The following TAB1 variants were observed in gnomAD, a reference collection of about 807,000 sequenced individuals.
TAB1 encodes the protein TGF-beta activated kinase 1 (MAP3K7) binding protein 1, also known as TGF-beta-activated kinase 1 and MAP3K7-binding protein 1.
Under a neutral mutation model 54.5 loss-of-function variants are expected in TAB1, and 30 were observed. That is an observed-to-expected ratio of 0.55 (90% confidence interval 0.41 to 0.75). TAB1 has a LOEUF of 0.75. Among genes scored for constraint, TAB1 ranks in the 30% least tolerant of loss-of-function variants. The pLI is 0.00. For missense variants in TAB1, 609 were observed against 683.2 expected, an observed-to-expected ratio of 0.89 and a Z score of 1.21; for synonymous variants, 289 against 286.9, an observed-to-expected ratio of 1.01 and a Z score of -0.07.
At position 39,400,088 on chromosome 22, in the gene TAB1, G is replaced by A. The variant is rs34143187; in HGVS notation, c.33+253G>A. On this transcript the variant is annotated intron_variant, in intron 1 of 10. Transcript: ENST00000216160. ...GCTGCCGGGCGTCGAGGGCGGGAGC[G>A]TCCTGGAGCCAGAAGGGAACACGGC... 4.8e-3 allele frequency among the ~76,000 whole-genome samples: 732 copies of A among 152,216 alleles called. 2 individuals are homozygous for A. Among genetic ancestry groups the A allele is most frequent in the Non-Finnish European group, 8.1e-3 (553 of 67,972 alleles).
intron 1 of TAB1, among the ~76,000 whole-genome samples, chr22:39,406,449 A>G (rs1366528636): frequency 6.6e-6 from 1 of 151,442 alleles, no homozygotes; most frequent in African/African-American, 2.4e-5. Flanking sequence ...TAGTTTCTTG[A>G]AGATGGTCAG....
In TAB1 at chr22:39,417,253, G is replaced by A. The variant is rs1444014412; in HGVS notation, c.411+376G>A. On this transcript the variant is annotated intron_variant, in intron 4 of 10. Transcript: ENST00000216160. ...GGAAGAACCTTAGCCTGGAGCTGTA[G>A]CGAAGGCTTCATCTTGGCTGTGCCA... 4.6e-5 allele frequency among the ~76,000 whole-genome samples: 7 copies of A among 152,094 alleles called. No homozygotes were observed. In the East Asian group the frequency reaches 1.3e-3, roughly 29 times the overall value.
chr22:39,410,981 T>C (rs946345323), intron 1 of TAB1, among the ~76,000 whole-genome samples: 6 of 152,270 alleles, frequency 3.9e-5, no homozygotes, highest in East Asian at 1.9e-4. Flanking sequence ...AAGAATGTAG[T>C]ATTGGTGGAG....
At chr22:39,422,797 T>G (rs1328028260) in intron 8 of TAB1, among the ~76,000 whole-genome samples, 3 of 152,136 alleles carry the variant, frequency 2.0e-5, no homozygotes, top group Admixed American at 6.5e-5. Context: ...AAGAGTTGCT[T>G]ATTTTTCTTA....
chr22:39,415,100 G>T lies in TAB1; in HGVS notation c.128G>T (p.Gly43Val), dbSNP rs1926765710. 2.5e-6 allele frequency: 4 copies of T among 1,609,624 alleles called. No individual in the cohort carries two copies. Among genetic ancestry groups the T allele is most frequent in the Non-Finnish European group, 3.4e-6 (4 of 1,177,198 alleles). The change falls in exon 2 of 11, where the codon GGC becomes GTC. Residue 43 changes from glycine to valine, a missense_variant. By Grantham distance (109) the Gly-to-Val change is moderately radical. Transcript: ENST00000216160. This position sits in a 1 kb window ranked among gnomAD's most constrained non-coding sequence, Gnocchi z 4.9. Reference protein sequence around the residue: ...SNRSYSADGKGTESHPPEDSW... With the variant: ...SNRSYSADGKVTESHPPEDSW... ...CGCAGCTACTCTGCTGATGGCAAGG[G>T]CACTGAGAGCCACCCGCCAGAGGAC... is the stretch of plus-strand genomic sequence containing the variant.
intron 1 of TAB1, among the ~76,000 whole-genome samples, chr22:39,411,499 G>A (rs778952949): frequency 2.0e-5 from 3 of 152,188 alleles, no homozygotes; most frequent in African/African-American, 4.8e-5. Flanking sequence ...ACTCAGTGTC[G>A]TTAGCCGTTA....
intron 1 of TAB1, among the ~76,000 whole-genome samples, chr22:39,404,844 T>C (rs1926294392): frequency 6.6e-6 from 1 of 152,134 alleles, no homozygotes; most frequent in African/African-American, 2.4e-5. Flanking sequence ...ATGGAGAACC[T>C]TCAATGAAAA....
At chr22:39,434,389 C>T (rs17001108), downstream of TAB1, among the ~76,000 whole-genome samples, 5,366 of 152,372 alleles carry the variant, frequency 0.035, 328 homozygotes, top group African/African-American at 0.12. Context: ...GGCCTCTTCA[C>T]AGCCGAAGTG....
intron 1 of TAB1, among the ~76,000 whole-genome samples, chr22:39,407,335 C>T (rs1193185565): frequency 1.3e-5 from 2 of 152,176 alleles, no homozygotes; most frequent in Non-Finnish European, 2.9e-5. Flanking sequence ...GCCAGGCGTA[C>T]TGTCCTATCA....
At chr22:39,418,372 C>T (rs997596613) in intron 5 of TAB1, among the ~76,000 whole-genome samples, 1 of 152,128 alleles carries the variant, frequency 6.6e-6, no homozygotes, top group African/African-American at 2.4e-5. Flanking sequence ...TTCATGCGCC[C>T]ATCCCCAATC....
downstream of TAB1, chr22:39,432,643 C>CGA (rs142123452): frequency 3.1e-3 from 1,989 of 637,838 alleles, 4 homozygotes; most frequent in African/African-American, 6.0e-3. Context: ...CCCTGCCACC[C>CGA]GAGAGAGAGA....
chr22:39,401,191 G>C (rs1031188548), intron 1 of TAB1, among the ~76,000 whole-genome samples: 9 of 152,178 alleles, frequency 5.9e-5, no homozygotes, highest in African/African-American at 2.2e-4. Context: ...GCCAGGTCCA[G>C]TGCTCGCCCT....
intron 5 of TAB1, 74 bp from the exon 6 acceptor site, chr22:39,418,658 C>G: frequency 8.6e-7 from 1 of 1,158,422 alleles, no homozygotes. Flanking sequence ...CTGCCTTTTC[C>G]CTCTCTGCCT....
intron 3 of TAB1, 77 bp from the exon 4 acceptor site, chr22:39,416,714 T>G (rs1926846913): frequency 7.4e-7 from 1 of 1,360,464 alleles, no homozygotes; most frequent in South Asian, 1.2e-5. Context: ...GCTGCTGCTC[T>G]GATTAATAGA....
chr22:39,428,107 A>G lies in TAB1; in HGVS notation c.1231A>G (p.Met411Val). The G allele has an allele frequency of 6.2e-7, 1 of 1,613,758 alleles. No individual in the cohort carries two copies. Among genetic ancestry groups the G allele is most frequent in the Non-Finnish European group, 8.5e-7 (1 of 1,179,726 alleles). The change falls in exon 10 of 11, where the codon ATG (methionine) becomes GTG (valine). Residue 411 changes from methionine to valine, a missense_variant. Coordinates refer to ENST00000216160, the MANE Select transcript of TAB1 (RefSeq NM_006116.3). ...SKTSVTLSLV[M>V]PSQGQMVNGA... ...GACCAGCGTGACCCTCTCCCTTGTC[A>G]TGCCCTCCCAGGGCCAGATGGTCAA...
chr22:39,423,330 C>T (rs967791600), intron 8 of TAB1, among the ~76,000 whole-genome samples: 3 of 152,184 alleles, frequency 2.0e-5, no homozygotes, highest in Non-Finnish European at 4.4e-5. Context: ...ATTGGCCGGG[C>T]ACAGTGGCTC....
intron 1 of TAB1, among the ~76,000 whole-genome samples, chr22:39,408,669 A>C (rs1466631705): frequency 2.6e-5 from 4 of 151,908 alleles, no homozygotes; most frequent in African/African-American, 9.7e-5. Flanking sequence ...CACCCGGTTA[A>C]TTTTTGTATT....
Position 39,430,311 on chromosome 22 carries a change from C to A in TAB1, c.*89C>A. On this transcript the variant is annotated 3_prime_UTR_variant, in exon 11 of 11. Coordinates refer to ENST00000216160, the MANE Select transcript of TAB1 (RefSeq NM_006116.3). ...CTAACATCTGCCTGTGCCACAACGGCCAGCAGGTGCCCCATCCTCTGCCCA... is the reference window on the plus strand; with the variant it reads ...CTAACATCTGCCTGTGCCACAACGGACAGCAGGTGCCCCATCCTCTGCCCA... The A allele has an allele frequency of 6.4e-7, 1 of 1,569,872 alleles. No homozygotes were observed. Among genetic ancestry groups the A allele is most frequent in the Non-Finnish European group, 8.6e-7 (1 of 1,162,770 alleles).
chr22:39,406,728 G>T (rs1207617381), intron 1 of TAB1, among the ~76,000 whole-genome samples: 1 of 152,086 alleles, frequency 6.6e-6, no homozygotes, highest in Non-Finnish European at 1.5e-5. Context: ...TGCCTCCCGG[G>T]TTCACACCAT....
Sources: gnomAD v4.1 joint callset for allele counts (sites outside exome capture counted in the v4.1 genomes callset) on GRCh38, gnomAD v4.1.1 for gene constraint, Gnocchi (gnomAD v3.1) non-coding constraint, MANE v1.5 for transcripts, NCBI Gene and HGNC (gene_info 2026-07-23, HGNC 2026-07-21) for gene names.